Variants in ITGAE observed in about 807,000 individuals in gnomAD.
ITGAE encodes integrin alpha-E.
Under a neutral mutation model 136.5 loss-of-function variants are expected in ITGAE, and 99 were observed. The observed-to-expected ratio is 0.73, with a 90% CI of 0.62 to 0.86. ITGAE has a LOEUF of 0.86. ITGAE is among the 40% of genes least tolerant of loss of function. The pLI, the probability that ITGAE is intolerant of heterozygous loss-of-function variation, is 0.00. For missense variants in ITGAE, 1,447 were observed against 1,515.3 expected (o/e 0.95, Z 0.75); for synonymous variants, 613 against 591.8 (o/e 1.04, Z -0.52).
At chr17:3,717,341 G>C (rs1170342042) in intron 29 of ITGAE, 1 of 153,098 alleles carries the variant, frequency 6.5e-6, no homozygotes, top group Admixed American at 6.5e-5. Flanking sequence ...AGACTAAAAA[G>C]TGTGTATTAC....
intron 29 of ITGAE, among the ~76,000 whole-genome samples, chr17:3,719,582 A>G (rs1292071399): frequency 6.6e-6 from 1 of 152,224 alleles, no homozygotes; most frequent in East Asian, 1.9e-4. Context: ...AAAGAATTCC[A>G]AGAGTTCCAG....
At chr17:3,784,045 G>T (rs1360922679) in intron 1 of ITGAE, among the ~76,000 whole-genome samples, 1 of 152,160 alleles carries the variant, frequency 6.6e-6, no homozygotes, top group Admixed American at 6.5e-5. Flanking sequence ...CGGATCACGA[G>T]GTCAGGAGAT....
chr17:3,787,485 C>T (rs551357782), intron 1 of ITGAE, among the ~76,000 whole-genome samples: 19 of 152,120 alleles, frequency 1.2e-4, no homozygotes, highest in African/African-American at 2.2e-4. Context: ...TTTCATACAC[C>T]GGCCTTAAGC....
intron 1 of ITGAE, among the ~76,000 whole-genome samples, chr17:3,795,384 C>A (rs914891867): frequency 1.3e-5 from 2 of 152,220 alleles, no homozygotes; most frequent in Non-Finnish European, 2.9e-5. Context: ...TCACGCCACC[C>A]CACCCCTGTG....
intron 14 of ITGAE, among the ~76,000 whole-genome samples, chr17:3,753,075 T>C (rs2051910151): frequency 6.6e-6 from 1 of 152,046 alleles, no homozygotes; most frequent in Non-Finnish European, 1.5e-5. Context: ...AAAAAAGAGA[T>C]ATTAGAGATA....
At chr17:3,728,250 C>G (rs2051260804) in intron 24 of ITGAE, 82 bp from the exon 25 acceptor site, 1 of 1,067,936 alleles carries the variant, frequency 9.4e-7, no homozygotes, top group Non-Finnish European at 1.5e-6. Flanking sequence ...GTTGCCCAGG[C>G]TAGAGCACAG....
chr17:3,785,933 C>T lies in ITGAE; in HGVS notation c.35-8273G>A, dbSNP rs927339107. On this transcript the variant is annotated intron_variant, in intron 1 of 30. Coordinates refer to ENST00000263087, the MANE Select transcript of ITGAE (RefSeq NM_002208.5). ...CTGTAATCCCAGAACTTTGGGAGGC[C>T]GAGGCGGGCGGATCACGAGGCCAGG... 2.6e-5 allele frequency among the ~76,000 whole-genome samples: 4 copies of T among 151,836 alleles called. 1 individual carries two copies. Among genetic ancestry groups the T allele is most frequent in the African/African-American group, 4.8e-5 (2 of 41,356 alleles).
chr17:3,759,065 C>T (rs1176661467), intron 8 of ITGAE, among the ~76,000 whole-genome samples: 3 of 148,870 alleles, frequency 2.0e-5, no homozygotes, highest in Non-Finnish European at 4.4e-5. Context: ...GCGGAGCTTG[C>T]AGTGAGCTGA....
rs1267696781 is a variant in ITGAE at position 3,777,574 on chromosome 17, G to A, written c.121C>T (p.Leu41Phe). 1 of 1,613,926 alleles carries A rather than the reference G, an allele frequency of 6.2e-7. No individual in the cohort carries two copies. The highest frequency in any genetic ancestry group is 1.1e-5 in the South Asian group (1 of 91,046). Residue 41 changes from leucine (L) to phenylalanine (F), a missense_variant, in exon 2 of 31, where the codon CTT (leucine) becomes TTT (phenylalanine). Leu to Phe is a conservative substitution (Grantham distance 22). This residue lies in a region of ITGAE where 106 missense variants were observed against 87.8 expected (regional missense o/e 1.21). Coordinates refer to ENST00000263087, the MANE Select transcript of ITGAE (RefSeq NM_002208.5). ...TTGGTGCTGGGGTCTTGGTGCAGAAGGGAGCTGAGCACGAAAGGGGCACCT... is the reference window on the plus strand; with the variant it reads ...TTGGTGCTGGGGTCTTGGTGCAGAAAGGAGCTGAGCACGAAAGGGGCACCT... ...KGGAPFVLSS[L>F]LHQDPSTNQT...
At chr17:3,726,437 AG>A in intron 26 of ITGAE, 1 of 731,878 alleles carries the variant, frequency 1.4e-6, no homozygotes, top group East Asian at 2.5e-5. Context: ...CCATTCTCAC[AG>A]GTTTCCAGTC....
rs896483829 is a variant in ITGAE, at chr17:3,754,986, C to CAGGCCCCACCCTCGCCCAGGT, written c.1384+110_1384+130dup. On this transcript the variant is annotated intron_variant, in intron 12 of 30. Transcript: ENST00000263087. ...GCCCCGCCCTCACCCAGGTAGCCCC[C>CAGGCCCCACCCTCGCCCAGGT]AGGCCCCACCCTCGCCCAGGTAGGC... 22 of 1,141,250 alleles carry CAGGCCCCACCCTCGCCCAGGT rather than the reference C, an allele frequency of 1.9e-5. No individual in the cohort carries two copies. The South Asian group carries it at 3.6e-4, about 19-fold the overall frequency. The allele number at this position is 1,141,250 out of a possible 1,614,324, so 70.7% of individuals were successfully genotyped here. A position where few individuals can be genotyped will look rare whatever the true frequency, so the allele number is the denominator to read the frequency against.
chr17:3,776,872 GTTA>G lies in ITGAE; in HGVS notation c.155+665_155+667del, dbSNP rs373979792. On this transcript the variant is annotated intron_variant, in intron 2 of 30. Transcript: ENST00000263087. ...CGGTGCCAGGCCCAGTTTTTTCTTT[GTTA>G]TTTTTTGTTTCCAAATGTTCTATAT... Among the ~76,000 whole-genome samples the G allele has an allele frequency of 5.9e-4, 89 of 150,756 alleles. 2 individuals are homozygous for G. The South Asian group carries it at 0.015, about 25-fold the overall frequency.
chr17:3,782,955 T>TAA (rs2052699200), intron 1 of ITGAE, among the ~76,000 whole-genome samples: 2 of 152,352 alleles, frequency 1.3e-5, no homozygotes, highest in South Asian at 4.1e-4. Context: ...CTGCGTTGCA[T>TAA]GTCATGTTTG....
Position 3,757,038 on chromosome 17 carries a change from T to C in ITGAE, c.1117A>G (p.Met373Val), listed in dbSNP as rs769757001. 18 of 1,614,080 alleles carry C rather than the reference T, an allele frequency of 1.1e-5. No homozygotes were observed. Among genetic ancestry groups the C allele is most frequent in the South Asian group, 5.5e-5 (5 of 91,094 alleles). ...TTGCTCAGCAGCCCATCCAGCGCCA[T>C]GTAGTTGGTCACCTTGAAAGCATGG... ...ETHAFKVTNY[M>V]ALDGLLSKLR... Residue 373 changes from methionine (M) to valine (V), a missense_variant, in exon 10 of 31, where the codon ATG becomes GTG. Physicochemically the swap from Met to Val is conservative, Grantham distance 21 (BLOSUM62 1). Coordinates refer to ENST00000263087, the MANE Select transcript of ITGAE (RefSeq NM_002208.5).
rs776900123 is a variant in ITGAE, at chr17:3,723,413, T to G, written c.3142-30A>C. 29 of 1,483,010 alleles carry G rather than the reference T, an allele frequency of 2.0e-5. No individual in the cohort carries two copies. In the Middle Eastern group the frequency reaches 2.2e-3, roughly 115 times the overall value. 91.9% of individuals were successfully genotyped at this position (1,483,010 alleles called of 1,614,324 possible). On this transcript the variant is annotated intron_variant, in intron 27 of 30. Transcript: ENST00000263087. Reference sequence around the variant, plus strand: ...AAAAGCGAGGTCTAGTGAACACAATTCCTTTCCGTGCGGAAAGTCTGAAAT... The same window carrying G: ...AAAAGCGAGGTCTAGTGAACACAATGCCTTTCCGTGCGGAAAGTCTGAAAT...
intron 1 of ITGAE, among the ~76,000 whole-genome samples, chr17:3,786,055 T>G (rs2052788503): frequency 1.3e-5 from 2 of 150,736 alleles, no homozygotes; most frequent in Admixed American, 1.3e-4. Context: ...TAGTCCCAGC[T>G]ACTCGGGAGG....
chr17:3,760,896 T>C (rs2052148290), intron 6 of ITGAE, 117 bp downstream of exon 6: 2 of 1,434,554 alleles, frequency 1.4e-6, no homozygotes, highest in Admixed American at 5.2e-5. Context: ...GTCAGGTCTG[T>C]AAAGTCCAGC....
At chr17:3,777,455 G>C in intron 2 of ITGAE, 85 bp downstream of exon 2, 1 of 1,491,480 alleles carries the variant, frequency 6.7e-7, no homozygotes, top group East Asian at 2.3e-5. Flanking sequence ...GGTGGGGTGG[G>C]CTGCCATGGC....
chr17:3,751,052 G>A (rs1006079060), intron 15 of ITGAE, among the ~76,000 whole-genome samples: 11 of 151,940 alleles, frequency 7.2e-5, no homozygotes, highest in African/African-American at 4.8e-5. Flanking sequence ...GGCTGTGAGC[G>A]TGCTGAGGAC....
Sources: gnomAD v4.1 joint callset for allele counts (sites outside exome capture counted in the v4.1 genomes callset) on GRCh38, gnomAD v4.1.1 for gene constraint, gnomAD v4.1.1 regional missense constraint, MANE v1.5 for transcripts, NCBI Gene and HGNC (gene_info 2026-07-23, HGNC 2026-07-21) for gene names.